IFNAR2: variants seen among roughly 807,000 people sequenced by gnomAD.
IFNAR2 encodes interferon alpha and beta receptor subunit 2, also known as interferon alpha/beta receptor 2.
In IFNAR2, 30 loss-of-function variants were observed where a neutral mutation model predicts 49.4. The ratio of observed to expected loss-of-function variants is 0.61; its 90% confidence interval spans 0.45 to 0.82. The LOEUF (loss-of-function observed/expected upper bound fraction) is 0.82. Among genes scored for constraint, IFNAR2 ranks in the 40% least tolerant of loss-of-function variants. IFNAR2 has a pLI of 0.00. For missense variants in IFNAR2, 600 were observed against 622.7 expected, an observed-to-expected ratio of 0.96 and a Z score of 0.39; for synonymous variants, 224 against 234.5, an observed-to-expected ratio of 0.96 and a Z score of 0.41.
intron 6 of IFNAR2, chr21:33,251,749 TGAAGTGAAATGCAACTACAGGAAA>T: frequency 1.0e-6 from 1 of 985,396 alleles, no homozygotes; most frequent in Non-Finnish European, 1.2e-6. Context: ...TTTTAAATTC[TGAAGTGAAATGCAACTACAGGAAA>T]GAAGAGGCAA....
At chr21:33,239,115 T>A (rs1986713234) in intron 1 of IFNAR2, among the ~76,000 whole-genome samples, 2 of 152,124 alleles carry the variant, frequency 1.3e-5, no homozygotes, top group South Asian at 2.1e-4. Flanking sequence ...TACAGATGCA[T>A]AGTTTCATTG....
chr21:33,261,035 CT>C (rs368696822), intron 8 of IFNAR2, among the ~76,000 whole-genome samples: 115 of 95,970 alleles, frequency 1.2e-3, no homozygotes, highest in Non-Finnish European at 1.7e-3. Context: ...GTTTTCTTTC[CT>C]TTTTTTTTTT....
At chr21:33,236,001 T>C (rs1050393435) in intron 1 of IFNAR2, among the ~76,000 whole-genome samples, 2 of 152,234 alleles carry the variant, frequency 1.3e-5, no homozygotes, top group Non-Finnish European at 1.5e-5. Flanking sequence ...CTTTATATTA[T>C]GCAAAACCAG....
intron 5 of IFNAR2, among the ~76,000 whole-genome samples, chr21:33,247,973 G>T (rs977525668): frequency 4.6e-5 from 7 of 152,202 alleles, no homozygotes; most frequent in Non-Finnish European, 1.0e-4. Context: ...ACACAGAAAA[G>T]AAAGAAAATC....
At chr21:33,255,460 C>T (rs1158186821) in intron 7 of IFNAR2, among the ~76,000 whole-genome samples, 2 of 152,188 alleles carry the variant, frequency 1.3e-5, no homozygotes, top group African/African-American at 4.8e-5. Context: ...GCTAAAATGA[C>T]TCACAGAACT....
At chr21:33,232,978 TA>T in intron 1 of IFNAR2, 1 of 976,684 alleles carries the variant, frequency 1.0e-6, no homozygotes, top group Non-Finnish European at 1.2e-6. Context: ...GACGTCTTAC[TA>T]AAAACAAAGA....
chr21:33,245,598 C>T (rs1987338648), intron 4 of IFNAR2, among the ~76,000 whole-genome samples: 1 of 152,218 alleles, frequency 6.6e-6, no homozygotes, highest in Admixed American at 6.5e-5. Context: ...AGCCCCTAAG[C>T]TAATGCCTCT....
intron 1 of IFNAR2, among the ~76,000 whole-genome samples, chr21:33,237,117 G>A (rs535281164): frequency 1.4e-3 from 205 of 151,098 alleles, no homozygotes; most frequent in African/African-American, 4.2e-3. Context: ...GTGTTTTCTC[G>A]GCTGCTGAAG....
At chr21:33,231,095 C>T (rs117039377) in intron 1 of IFNAR2, among the ~76,000 whole-genome samples, 1,540 of 152,104 alleles carry the variant, frequency 0.01, 14 homozygotes, top group Non-Finnish European at 0.013. Context: ...TGAGAAGTGC[C>T]GGAGCTGGCT....
chr21:33,229,979 A>C lies in IFNAR2; in HGVS notation c.-321A>C, dbSNP rs1985901384. The C allele has an allele frequency of 1.0e-6, 1 of 984,178 alleles. No individual in the cohort carries two copies. The highest frequency in any genetic ancestry group is 1.8e-5 in the African/African-American group (1 of 57,040). 61.0% of individuals were successfully genotyped at this position (984,178 alleles called of 1,614,324 possible). A position where few individuals can be genotyped will look rare whatever the true frequency, so the allele number is the denominator to read the frequency against. ...GCCGGGGCTCGGCGCGCGCACCCGC[A>C]CTAAAGACGCTTCTTCCCGGCGGGT... is the stretch of plus-strand genomic sequence containing the variant. On this transcript the variant is annotated 5_prime_UTR_variant, in exon 1 of 9. Transcript: ENST00000342136.
intron 7 of IFNAR2, among the ~76,000 whole-genome samples, chr21:33,253,892 G>T (rs1192277475): frequency 6.6e-6 from 1 of 152,122 alleles, no homozygotes; most frequent in Non-Finnish European, 1.5e-5. Context: ...TATCAGCAAG[G>T]TCTTTACCAA....
intron 8 of IFNAR2, chr21:33,262,444 A>G: frequency 1.7e-6 from 1 of 600,272 alleles, no homozygotes; most frequent in Non-Finnish European, 3.0e-6. Flanking sequence ...ATAAAGCACC[A>G]AGAGTCATGC....
At chr21:33,244,525 A>G (rs1326732760) in intron 3 of IFNAR2, among the ~76,000 whole-genome samples, 2 of 152,214 alleles carry the variant, frequency 1.3e-5, no homozygotes, top group Non-Finnish European at 2.9e-5. Context: ...GGGCTGAGCT[A>G]CTTAAGGAGG....
chr21:33,241,452 T>G (rs748572152), intron 1 of IFNAR2, among the ~76,000 whole-genome samples: 14 of 152,182 alleles, frequency 9.2e-5, no homozygotes, highest in Non-Finnish European at 1.6e-4. Flanking sequence ...GATAGAAAGA[T>G]CTTCCAAACA....
In IFNAR2 at chr21:33,239,578, G is replaced by C. The variant is rs536376503; in HGVS notation, c.-83-2262G>C. ...CAGAGTGGTCACAGCCCTCAATGTTGTGAGCTACAGGTTCTATACTCTCCT... is the reference window on the plus strand; with the variant it reads ...CAGAGTGGTCACAGCCCTCAATGTTCTGAGCTACAGGTTCTATACTCTCCT... On this transcript the variant is annotated intron_variant, in intron 1 of 8. Transcript: ENST00000342136. Among the ~76,000 whole-genome samples the C allele has an allele frequency of 4.6e-4, 69 of 150,434 alleles. 1 individual carries two copies. The highest frequency in any genetic ancestry group is 1.5e-3 in the African/African-American group (63 of 40,778).
At chr21:33,252,587 C>A in intron 6 of IFNAR2, 75 bp from the exon 7 acceptor site, 1 of 1,521,938 alleles carries the variant, frequency 6.6e-7, no homozygotes. Context: ...GATTTGAAGA[C>A]AAATCCCAAA....
chr21:33,241,407 A>G lies in IFNAR2; in HGVS notation c.-83-433A>G, dbSNP rs541700580. On this transcript the variant is annotated intron_variant, in intron 1 of 8. Transcript: ENST00000342136. Reference sequence around the variant, plus strand: ...ATTATATAAATAATGGTGTGTCTATAGAGTAGAACTGTATCCAGCTATTTA... The same window carrying G: ...ATTATATAAATAATGGTGTGTCTATGGAGTAGAACTGTATCCAGCTATTTA... Among the ~76,000 whole-genome samples, 7 of 152,344 alleles carry G rather than the reference A, an allele frequency of 4.6e-5. 1 individual carries two copies. In the South Asian group the frequency reaches 1.4e-3, roughly 32 times the overall value.
At chr21:33,260,828 A>AT in intron 8 of IFNAR2, 101 bp downstream of exon 8, 1 of 728,346 alleles carries the variant, frequency 1.4e-6, no homozygotes, top group Non-Finnish European at 2.0e-6. Flanking sequence ...AGAAAATCTC[A>AT]TTTTCTATAA....
chr21:33,252,239 T>C, intron 6 of IFNAR2: 1 of 464,652 alleles, frequency 2.2e-6, no homozygotes, highest in Non-Finnish European at 4.4e-6. Flanking sequence ...TTCTCATCCG[T>C]TGAATGGAGG....
Sources: allele counts gnomAD v4.1 joint callset (sites outside exome capture counted in the v4.1 genomes callset), GRCh38; gene constraint gnomAD v4.1.1; transcripts MANE v1.5; gene names NCBI Gene and HGNC (gene_info 2026-07-23, HGNC 2026-07-21).